The following FSTL3 variants were observed in gnomAD, a reference collection of about 807,000 sequenced individuals.
The protein encoded by FSTL3 is follistatin-related protein 3.
FSTL3 carries 21 observed loss-of-function variants against 28.1 expected under a neutral mutation model. That is an observed-to-expected ratio of 0.75 (90% CI 0.53 to 1.08). The LOEUF (loss-of-function observed/expected upper bound fraction) is 1.08, where lower values mean the gene tolerates loss of function less well. FSTL3 is among the 50% of genes least tolerant of loss of function. The pLI is 0.00. For missense variants in FSTL3, 400 were observed against 380.9 expected, an observed-to-expected ratio of 1.05 and a Z score of -0.42; for synonymous variants, 199 against 164.2, an observed-to-expected ratio of 1.21 and a Z score of -1.62.
In FSTL3 at chr19:676,469, G is replaced by T; in HGVS notation, c.46G>T (p.Ala16Ser). 8.3e-7 allele frequency: 1 copy of T among 1,202,690 alleles called. No individual in the cohort carries two copies. The highest frequency in any genetic ancestry group is 3.5e-5 in the East Asian group (1 of 28,528). The allele number at this position is 1,202,690 out of a possible 1,614,324, so 74.5% of individuals were successfully genotyped here. A position where few individuals can be genotyped will look rare whatever the true frequency, so the allele number is the denominator to read the frequency against. ...GCCACTCTGGCCTCTGCCCTGGGGGGCCCTGGCTTGGGCCGTGGGCTTCGT... is the reference window on the plus strand; with the variant it reads ...GCCACTCTGGCCTCTGCCCTGGGGGTCCCTGGCTTGGGCCGTGGGCTTCGT... ...PGPLWPLPWG[A>S]LAWAVGFVSS... is the part of the protein sequence containing the mutation. Residue 16 changes from alanine (A) to serine (S), a missense_variant, in exon 1 of 5, where the codon GCC (alanine) becomes TCC (serine). Transcript: ENST00000166139.
In FSTL3 at chr19:676,507, C is replaced by T; in HGVS notation, c.84C>T (p.Gly28=). The change falls in exon 1 of 5, where the codon GGC becomes GGT. Residue 28 remains glycine (G), a synonymous_variant. Transcript: ENST00000166139. ...AWAVGFVSSM[G]SGNPAPGGVC... is the part of the protein sequence containing the mutation. Reference sequence around the variant, plus strand: ...CCGTGGGCTTCGTGAGCTCCATGGGCTCGGGGAACCCCGCGCCCGGTGAGT... The same window carrying T: ...CCGTGGGCTTCGTGAGCTCCATGGGTTCGGGGAACCCCGCGCCCGGTGAGT... The T allele has an allele frequency of 1.7e-6, 2 of 1,157,776 alleles. No individual in the cohort carries two copies. The highest frequency in any genetic ancestry group is 4.2e-5 in the South Asian group (1 of 24,076). 71.7% of individuals were successfully genotyped at this position (1,157,776 alleles called of 1,614,324 possible).
chr19:680,527 A>G, intron 3 of FSTL3, 38 bp downstream of exon 3: 2 of 1,095,518 alleles, frequency 1.8e-6, no homozygotes, highest in South Asian at 4.3e-5. Context: ...GCGGGGCGGG[A>G]CCTACCGGAC....
intron 2 of FSTL3, 90 bp downstream of exon 2, chr19:678,067 C>A: frequency 7.9e-7 from 1 of 1,259,802 alleles, no homozygotes; most frequent in Non-Finnish European, 1.1e-6. Context: ...CGTCCAGGGA[C>A]TGAGCCCGTC....
At chr19:679,258 C>A (rs763621461) in intron 2 of FSTL3, among the ~76,000 whole-genome samples, 1 of 152,196 alleles carries the variant, frequency 6.6e-6, no homozygotes, top group Non-Finnish European at 1.5e-5. Flanking sequence ...CCTGGCCGAG[C>A]ATTTCCAGAT....
chr19:678,674 C>A (rs2031264785), intron 2 of FSTL3, among the ~76,000 whole-genome samples: 1 of 151,888 alleles, frequency 6.6e-6, no homozygotes, highest in Non-Finnish European at 1.5e-5. Context: ...CCACACCTGG[C>A]TAATTTTTAT....
At position 678,426 on chromosome 19, in the gene FSTL3, A is replaced by G. The variant is rs113579239; in HGVS notation, c.289+449A>G. On this transcript the variant is annotated intron_variant, in intron 2 of 4. Transcript: ENST00000166139. ...CCTGTTTTGAGAGGATGCCTCCCAC[A>G]TCAGACTAGGGGCTCTTGGTTGGCG... is the stretch of plus-strand genomic sequence containing the variant. 5.0e-3 allele frequency among the ~76,000 whole-genome samples: 750 copies of G among 150,962 alleles called. 11 individuals are homozygous for G. The highest frequency in any genetic ancestry group is 0.017 in the African/African-American group (713 of 41,062).
rs1460391139 is a variant in FSTL3 at position 682,318 on chromosome 19, G to A, written c.*610G>A. Reference sequence around the variant, plus strand: ...GGTGAGTATGGAGGGTCTAGCCTGGGTGTGTATGGAGGGTCTAGCCTGGGT... The same window carrying A: ...GGTGAGTATGGAGGGTCTAGCCTGGATGTGTATGGAGGGTCTAGCCTGGGT... On this transcript the variant is annotated 3_prime_UTR_variant, in exon 5 of 5. Coordinates refer to ENST00000166139, the MANE Select transcript of FSTL3 (RefSeq NM_005860.3). The A allele has an allele frequency of 4.0e-6, 1 of 252,138 alleles. No homozygotes were observed. The allele number at this position is 252,138 out of a possible 1,614,324, so 15.6% of individuals were successfully genotyped here.
chr19:677,696 C>G (rs563648903), intron 1 of FSTL3, 96 bp from the exon 2 acceptor site: 75 of 1,204,398 alleles, frequency 6.2e-5, no homozygotes, highest in South Asian at 6.1e-4. Flanking sequence ...TCATTCCGTG[C>G]GTAACTACTC....
chr19:677,092 G>T (rs915180331), intron 1 of FSTL3, among the ~76,000 whole-genome samples: 3 of 152,192 alleles, frequency 2.0e-5, no homozygotes, highest in African/African-American at 7.2e-5. Flanking sequence ...CGTTCCACAA[G>T]CTGGTCCCTG....
chr19:677,775 C>T lies in FSTL3; in HGVS notation c.104-17C>T, dbSNP rs1415662264. On this transcript the variant is annotated splice_polypyrimidine_tract_variant and intron_variant, in intron 1 of 4. Transcript: ENST00000166139. Reference sequence around the variant, plus strand: ...TCAGGAGTGGCCCAGGAGAGCACCCCGTTCCCCGGCCCGCAGGTGGTGTTT... The same window carrying T: ...TCAGGAGTGGCCCAGGAGAGCACCCTGTTCCCCGGCCCGCAGGTGGTGTTT... 7 of 1,594,570 alleles carry T rather than the reference C, an allele frequency of 4.4e-6. No individual in the cohort carries two copies. Among genetic ancestry groups the T allele is most frequent in the Middle Eastern group, 1.7e-4 (1 of 5,926 alleles).
chr19:678,994 C>G (rs753250909), intron 2 of FSTL3, among the ~76,000 whole-genome samples: 1 of 152,006 alleles, frequency 6.6e-6, no homozygotes, highest in African/African-American at 2.4e-5. Context: ...GCTGCAGACC[C>G]GAAGGCCAGG....
At position 683,049 on chromosome 19, in the gene FSTL3, C is replaced by A. The variant is rs2031374063; in HGVS notation, c.*1341C>A. 4.3e-6 allele frequency: 1 copy of A among 233,180 alleles called. No homozygotes were observed. Among genetic ancestry groups the A allele is most frequent in the Non-Finnish European group, 8.5e-6 (1 of 117,884 alleles). 14.4% of individuals were successfully genotyped at this position (233,180 alleles called of 1,614,324 possible). On this transcript the variant is annotated 3_prime_UTR_variant, in exon 5 of 5. Coordinates refer to ENST00000166139, the MANE Select transcript of FSTL3 (RefSeq NM_005860.3). The stretch of plus-strand genomic sequence containing the variant: ...ACCAATGCAGCCGGGGCTGGCGACA[C>A]CAGCCAGGTGCTGGTCTTGGGCCAG...
In FSTL3 at chr19:680,425, G is replaced by A. The variant is rs1471175119; in HGVS notation, c.441G>A (p.Glu147=). ...SDGATYRDEC[E]LRAARCRGHP... ...GCGCCACCTACCGCGACGAGTGCGA[G>A]CTGCGCGCCGCGCGCTGCCGCGGCC... Residue 147 remains glutamate, a synonymous_variant, in exon 3 of 5, where the codon GAG becomes GAA. Coordinates refer to ENST00000166139, the MANE Select transcript of FSTL3 (RefSeq NM_005860.3). The A allele has an allele frequency of 6.3e-6, 8 of 1,267,014 alleles. No homozygotes were observed. Among genetic ancestry groups the A allele is most frequent in the Non-Finnish European group, 7.9e-6 (8 of 1,008,638 alleles). The allele number at this position is 1,267,014 out of a possible 1,614,324, so 78.5% of individuals were successfully genotyped here. A position where few individuals can be genotyped will look rare whatever the true frequency, so the allele number is the denominator to read the frequency against.
At chr19:680,122 G>A in intron 2 of FSTL3, 152 bp from the exon 3 acceptor site, 4 of 348,932 alleles carry the variant, frequency 1.1e-5, no homozygotes, top group Non-Finnish European at 1.5e-5. Flanking sequence ...CTGGGAACCC[G>A]AGGGCCCCGA....
intron 2 of FSTL3, among the ~76,000 whole-genome samples, chr19:678,481 C>G (rs1038841641): frequency 2.0e-5 from 3 of 150,396 alleles, no homozygotes; most frequent in African/African-American, 7.3e-5. Context: ...ATAAGATTCT[C>G]CGCACTGGAG....
At chr19:677,760 C>T in intron 1 of FSTL3, 32 bp from the exon 2 acceptor site, 1 of 1,575,730 alleles carries the variant, frequency 6.3e-7, no homozygotes, top group Non-Finnish European at 8.6e-7. Flanking sequence ...TCAGGAGTGG[C>T]CCAGGAGAGC....
chr19:680,259 G>A lies in FSTL3; in HGVS notation c.290-15G>A. On this transcript the variant is annotated splice_polypyrimidine_tract_variant and intron_variant, in intron 2 of 4. Transcript: ENST00000166139. ...CTCCCGCGCCCGGCCCCACGCGCGT[G>A]TCCTCTGTCCGCAGATTCGTGCGAC... The A allele has an allele frequency of 7.5e-7, 1 of 1,336,730 alleles. No homozygotes were observed. Among genetic ancestry groups the A allele is most frequent in the Non-Finnish European group, 9.6e-7 (1 of 1,043,118 alleles). The allele number at this position is 1,336,730 out of a possible 1,614,324, so 82.8% of individuals were successfully genotyped here.
At position 681,363 on chromosome 19, in the gene FSTL3, C is replaced by A; in HGVS notation, c.536C>A (p.Pro179Gln). Residue 179 changes from proline (P) to glutamine (Q), a missense_variant, in exon 4 of 5, where the codon CCA becomes CAA. Transcript: ENST00000166139. The stretch of plus-strand genomic sequence containing the variant: ...TGTGAGCACGTGGTGTGCCCGCGGC[C>A]ACAGTCGTGCGTCGTGGACCAGACG... ...KSCEHVVCPR[P>Q]QSCVVDQTGS... 6.3e-7 allele frequency: 1 copy of A among 1,584,648 alleles called. No individual in the cohort carries two copies. The highest frequency in any genetic ancestry group is 8.5e-7 in the Non-Finnish European group (1 of 1,172,660).
At chr19:679,141 G>C (rs553013676) in intron 2 of FSTL3, among the ~76,000 whole-genome samples, 1 of 152,064 alleles carries the variant, frequency 6.6e-6, no homozygotes, top group Non-Finnish European at 1.5e-5. Context: ...TCTTCAAAAA[G>C]TGCCTGGCCT....
Sources: allele counts gnomAD v4.1 joint callset (sites outside exome capture counted in the v4.1 genomes callset), GRCh38; gene constraint gnomAD v4.1.1; transcripts MANE v1.5; gene names NCBI Gene and HGNC (gene_info 2026-07-23, HGNC 2026-07-21).